DPYD: variants seen among roughly 807,000 people sequenced by gnomAD.
DPYD encodes the protein dihydropyrimidine dehydrogenase [NADP(+)].
In DPYD, 109 loss-of-function variants were observed where a neutral mutation model predicts 116.2. That is an observed-to-expected ratio of 0.94 (90% CI 0.80 to 1.10). The LOEUF (loss-of-function observed/expected upper bound fraction) is 1.10, where lower values mean the gene tolerates loss of function less well. Among genes scored for constraint, DPYD ranks in the 50% least tolerant of loss-of-function variants. The pLI is 0.00. For missense variants in DPYD, 1,302 were observed against 1,254.5 expected (o/e 1.04, Z -0.57); for synonymous variants, 440 against 432.0 (o/e 1.02, Z -0.23).
At chr1:97,518,413 C>T (rs910942178) in intron 12 of DPYD, among the ~76,000 whole-genome samples, 1 of 151,966 alleles carries the variant, frequency 6.6e-6, no homozygotes, top group African/African-American at 2.4e-5. Flanking sequence ...ATCATATATC[C>T]AAGCCCTAAT....
chr1:97,234,895 T>C lies in DPYD; in HGVS notation c.2399A>G (p.Glu800Gly). 6.2e-7 allele frequency: 1 copy of C among 1,614,040 alleles called. No homozygotes were observed. Among genetic ancestry groups the C allele is most frequent in the Non-Finnish European group, 8.5e-7 (1 of 1,179,984 alleles). Residue 800 changes from glutamate (E) to glycine (G), a missense_variant, in exon 19 of 23, where the codon GAA becomes GGA. By Grantham distance (98) the Glu-to-Gly change is moderately conservative (BLOSUM62 -2). Coordinates refer to ENST00000370192, the MANE Select transcript of DPYD (RefSeq NM_000110.4). ...ILATGGIDSA[E>G]SGLQFLHSGA... ...ACTATGGAGAAACTGAAGACCACTTTCAGCAGAGTCAATTCCACCAGTAGC... is the reference window on the plus strand; with the variant it reads ...ACTATGGAGAAACTGAAGACCACTTCCAGCAGAGTCAATTCCACCAGTAGC...
chr1:97,780,272 G>A (rs1666664753), intron 3 of DPYD, among the ~76,000 whole-genome samples: 1 of 152,126 alleles, frequency 6.6e-6, no homozygotes, highest in Non-Finnish European at 1.5e-5. Flanking sequence ...AGAAACTGAT[G>A]AACAAATAAA....
intron 1 of DPYD, among the ~76,000 whole-genome samples, chr1:97,885,472 T>C (rs1672436778): frequency 6.6e-6 from 1 of 152,098 alleles, no homozygotes; most frequent in South Asian, 2.1e-4. Context: ...TTAAAAATCA[T>C]AAATGACTTT....
chr1:97,764,066 T>C (rs900282830), intron 3 of DPYD, among the ~76,000 whole-genome samples: 23 of 151,964 alleles, frequency 1.5e-4, no homozygotes, highest in African/African-American at 5.3e-4. Flanking sequence ...GTGAGAAGGA[T>C]GGCATGAGAC....
At chr1:97,700,096 G>T (rs924090020) in intron 5 of DPYD, 2 of 373,444 alleles carry the variant, frequency 5.4e-6, no homozygotes, top group Non-Finnish European at 1.1e-5. Context: ...TACTGACGCA[G>T]GCATCTTGGA....
At chr1:97,185,665 G>GA (rs987389589) in intron 20 of DPYD, among the ~76,000 whole-genome samples, 14 of 152,044 alleles carry the variant, frequency 9.2e-5, no homozygotes, top group African/African-American at 1.4e-4. Flanking sequence ...ACAATAATAT[G>GA]AAAAAATCTC....
At chr1:97,601,068 G>A (rs1397734594) in intron 8 of DPYD, among the ~76,000 whole-genome samples, 1 of 152,032 alleles carries the variant, frequency 6.6e-6, no homozygotes, top group African/African-American at 2.4e-5. Flanking sequence ...ACAAAATCAT[G>A]TCTCAGACAG....
intron 14 of DPYD, chr1:97,419,982 G>A (rs1161765968): frequency 6.6e-6 from 1 of 152,198 alleles, no homozygotes; most frequent in African/African-American, 2.4e-5. Flanking sequence ...TGGATAAAAT[G>A]AATAAATGTT....
chr1:97,198,356 C>T (rs1658959574), intron 19 of DPYD, among the ~76,000 whole-genome samples: 1 of 152,108 alleles, frequency 6.6e-6, no homozygotes, highest in South Asian at 2.1e-4. Flanking sequence ...ATTTTCCTAG[C>T]CTTTCAAAGA....
chr1:97,519,943 TA>T (rs924320830), intron 12 of DPYD, among the ~76,000 whole-genome samples: 42 of 152,194 alleles, frequency 2.8e-4, no homozygotes, highest in African/African-American at 9.9e-4. Flanking sequence ...TTATAGATCA[TA>T]AAAAATATAA....
rs71071637 is a variant in DPYD, at chr1:97,195,634, G to GTA, written c.2443-2388_2443-2387dup. Reference sequence around the variant, plus strand: ...TATATATGTATGTGTATATGTATGTGTATATATATATATATATATATATAT... The same window carrying GTA: ...TATATATGTATGTGTATATGTATGTGTATATATATATATATATATATATATAT... On this transcript the variant is annotated intron_variant, in intron 19 of 22. Transcript: ENST00000370192. Among the ~76,000 whole-genome samples, 232 of 57,320 alleles carry GTA rather than the reference G, an allele frequency of 4.0e-3. 1 individual carries two copies. Among genetic ancestry groups the GTA allele is most frequent in the Non-Finnish European group, 5.4e-3 (161 of 29,942 alleles). 37.6% of individuals were successfully genotyped at this position (57,320 alleles called of 152,430 possible).
intron 16 of DPYD, among the ~76,000 whole-genome samples, chr1:97,356,970 CT>C (rs958273790): frequency 6.6e-6 from 1 of 152,116 alleles, no homozygotes; most frequent in African/African-American, 2.4e-5. Flanking sequence ...CAGCTTTGTT[CT>C]TTTTGCTCGG....
intron 6 of DPYD, among the ~76,000 whole-genome samples, chr1:97,695,936 C>A (rs866218389): frequency 2.6e-5 from 4 of 151,936 alleles, no homozygotes; most frequent in Middle Eastern, 3.4e-3. Flanking sequence ...TCAAAACCAG[C>A]CTGGCCAACA....
At chr1:97,462,260 A>G (rs1677071870) in intron 13 of DPYD, among the ~76,000 whole-genome samples, 1 of 152,246 alleles carries the variant, frequency 6.6e-6, no homozygotes, top group African/African-American at 2.4e-5. Flanking sequence ...CTGAAAGCAA[A>G]TGGATTTGTT....
At chr1:97,710,285 C>A (rs1364314541) in intron 5 of DPYD, among the ~76,000 whole-genome samples, 1 of 151,748 alleles carries the variant, frequency 6.6e-6, no homozygotes, top group Non-Finnish European at 1.5e-5. Flanking sequence ...AAATTACATA[C>A]CTTCTAGGAG....
rs962420718 is a variant in DPYD, at chr1:97,490,319, A to G, written c.1740+25407T>C. Among the ~76,000 whole-genome samples the G allele has an allele frequency of 4.9e-4, 72 of 148,426 alleles. 1 individual carries two copies. Among genetic ancestry groups the G allele is most frequent in the African/African-American group, 1.7e-3 (69 of 40,898 alleles). ...ATTATTATACTACTACTAATATAAT[A>G]TAGAATATACTGATAATATATTATA... On this transcript the variant is annotated intron_variant, in intron 13 of 22. Transcript: ENST00000370192.
chr1:97,308,500 C>A (rs1250944646), intron 16 of DPYD: 1 of 151,774 alleles, frequency 6.6e-6, no homozygotes, highest in African/African-American at 2.4e-5. Context: ...AATGATTGTT[C>A]TGTAAATTGC....
At chr1:97,827,856 A>G (rs1336823550) in intron 3 of DPYD, among the ~76,000 whole-genome samples, 5 of 152,286 alleles carry the variant, frequency 3.3e-5, no homozygotes, top group Admixed American at 1.3e-4. Context: ...ACAGTTTAGT[A>G]TAAGTATAAA....
At chr1:97,114,750 T>C (rs1319424675) in intron 20 of DPYD, among the ~76,000 whole-genome samples, 1 of 152,044 alleles carries the variant, frequency 6.6e-6, no homozygotes, top group Non-Finnish European at 1.5e-5. Flanking sequence ...CCCTGAATGA[T>C]GAAAAAAAAC....
Sources: gnomAD v4.1 joint callset for allele counts (sites outside exome capture counted in the v4.1 genomes callset) on GRCh38, gnomAD v4.1.1 for gene constraint, MANE v1.5 for transcripts, NCBI Gene and HGNC (gene_info 2026-07-23, HGNC 2026-07-21) for gene names.